The following MED13 variants were observed in gnomAD, a reference collection of about 807,000 sequenced individuals.
MED13 encodes the protein mediator complex subunit 13, also known as mediator of RNA polymerase II transcription subunit 13.
MED13 carries 23 observed loss-of-function variants against 225.2 expected under a neutral mutation model. The observed-to-expected ratio is 0.10, with a 90% confidence interval of 0.07 to 0.14. The LOEUF is 0.14. Ranked by LOEUF, MED13 falls within the 10% of genes least tolerant of loss-of-function variation. The probability of loss-of-function intolerance (pLI) is 1.00; values close to 1 mark genes in which losing one functional copy is unlikely to be tolerated. For synonymous variants in MED13, 942 were observed against 889.2 expected, an observed-to-expected ratio of 1.06 and a Z score of -1.06; for missense variants, 2,197 against 2,594.5, an observed-to-expected ratio of 0.85 and a Z score of 3.33.
Position 61,987,040 on chromosome 17 carries a change from A to C in MED13, c.2352T>G (p.Asp784Glu). 6.3e-7 allele frequency: 1 copy of C among 1,599,970 alleles called. No individual in the cohort carries two copies. Among genetic ancestry groups the C allele is most frequent in the Non-Finnish European group, 8.5e-7 (1 of 1,172,574 alleles). Reference sequence around the variant, plus strand: ...CATCTTCATCAGAATTGAAGAGATTATCAAGGTCAGTATAAGAGACAGCCA... The same window carrying C: ...CATCTTCATCAGAATTGAAGAGATTCTCAAGGTCAGTATAAGAGACAGCCA... ...SDLAVSYTDL[D>E]NLFNSDEDEL... Residue 784 changes from aspartate (D) to glutamate (E), a missense_variant, in exon 12 of 30, where the codon GAT (aspartate) becomes GAG (glutamate). By Grantham distance (45) the Asp-to-Glu change is conservative. Around this residue, in one of 12 missense-constraint regions of MED13, gnomAD observed 41 missense variants for 55.8 expected, o/e 0.73. Coordinates refer to ENST00000397786, the MANE Select transcript of MED13 (RefSeq NM_005121.3).
chr17:61,959,783 C>CAGTG (rs2079982397), intron 23 of MED13, among the ~76,000 whole-genome samples: 1 of 142,974 alleles, frequency 7.0e-6, no homozygotes, highest in Non-Finnish European at 1.5e-5. Flanking sequence ...CGTTAAAGTG[C>CAGTG]AGTGGTGCAA....
chr17:61,953,304 T>C (rs1311183775), intron 26 of MED13, among the ~76,000 whole-genome samples, 191 bp from the exon 27 acceptor site: 2 of 152,200 alleles, frequency 1.3e-5, no homozygotes, highest in African/African-American at 4.8e-5. Context: ...AAGCATGTGG[T>C]AGTCTGAATA....
intron 10 of MED13, among the ~76,000 whole-genome samples, chr17:61,993,200 CTTTTTTTTT>C (rs964200883): frequency 9.3e-6 from 1 of 107,690 alleles, no homozygotes; most frequent in Non-Finnish European, 1.7e-5. Context: ...TTCTTTCTTT[CTTTTTTTTT>C]TTTTTTTTTT....
Position 61,977,454 on chromosome 17 carries a change from CATT to C in MED13, c.3806-4569_3806-4567del, listed in dbSNP as rs572429356. 3.6e-4 allele frequency among the ~76,000 whole-genome samples: 54 copies of C among 152,092 alleles called. No individual in the cohort carries two copies. In the South Asian group the frequency reaches 0.01, roughly 29 times the overall value. On this transcript the variant is annotated intron_variant, in intron 16 of 29. Transcript: ENST00000397786. The stretch of plus-strand genomic sequence containing the variant: ...AATATTGCACATTTATGTTTTCCAA[CATT>C]ATTATTTTTCTTGAGACGGAGTCTC...
At chr17:62,036,363 T>C (rs1253179205) in intron 3 of MED13, among the ~76,000 whole-genome samples, 1 of 152,122 alleles carries the variant, frequency 6.6e-6, no homozygotes, top group Admixed American at 6.5e-5. Context: ...CTTAATGAAA[T>C]TCAGGTATGG....
intron 8 of MED13, among the ~76,000 whole-genome samples, chr17:62,017,219 T>TAAAAAAAAAAAAAAAAAA (rs555881211): frequency 1.2e-5 from 1 of 84,244 alleles, no homozygotes; most frequent in Non-Finnish European, 2.5e-5. Context: ...ACTAAAATGC[T>TAAAAAAAAAAAAAAAAAA]AAAAAAAAAA....
chr17:62,054,256 G>C (rs553701195), intron 2 of MED13, among the ~76,000 whole-genome samples: 5 of 151,770 alleles, frequency 3.3e-5, no homozygotes, highest in African/African-American at 7.3e-5. Flanking sequence ...AGCCAAGATC[G>C]TGCCACTGCA....
At chr17:62,015,936 ATATATATATATATATATATTTTT>A (rs1436607134) in intron 8 of MED13, among the ~76,000 whole-genome samples, 6 of 8,826 alleles carry the variant, frequency 6.8e-4, no homozygotes, top group Non-Finnish European at 1.1e-3. Flanking sequence ...ATATATATAT[ATATATATATATATATATATTTTT>A]TTTTTTTTTT....
chr17:61,996,901 G>A (rs980995033), intron 9 of MED13, among the ~76,000 whole-genome samples: 1 of 152,176 alleles, frequency 6.6e-6, no homozygotes, highest in Non-Finnish European at 1.5e-5. Flanking sequence ...CATAATAGGT[G>A]TCAATACTTG....
chr17:62,011,763 A>G (rs982316672), intron 8 of MED13, among the ~76,000 whole-genome samples: 3 of 152,334 alleles, frequency 2.0e-5, no homozygotes, highest in African/African-American at 4.8e-5. Flanking sequence ...TGGGCCTCAC[A>G]CCATACCTAC....
intron 17 of MED13, among the ~76,000 whole-genome samples, chr17:61,969,671 C>T (rs930726822): frequency 6.6e-6 from 1 of 151,972 alleles, no homozygotes; most frequent in African/African-American, 2.4e-5. Flanking sequence ...GTGCGATCTC[C>T]ACTCACTCCA....
At chr17:61,991,279 T>C (rs1367279370) in intron 11 of MED13, among the ~76,000 whole-genome samples, 2 of 146,908 alleles carry the variant, frequency 1.4e-5, no homozygotes, top group African/African-American at 2.5e-5. Context: ...GCACCACACA[T>C]GCTTTATTTT....
chr17:61,955,326 A>G (rs2079933143), intron 26 of MED13, 56 bp downstream of exon 26: 2 of 1,356,076 alleles, frequency 1.5e-6, no homozygotes, highest in Non-Finnish European at 9.9e-7. Context: ...GGTATTGGAC[A>G]TGAATTTATT....
chr17:61,958,885 C>T (rs1222792922), intron 23 of MED13, among the ~76,000 whole-genome samples: 2 of 152,188 alleles, frequency 1.3e-5, no homozygotes, highest in African/African-American at 4.8e-5. Context: ...ATAAAATTAT[C>T]CTCTAGACTT....
chr17:62,033,846 T>A lies in MED13; in HGVS notation c.755A>T (p.Glu252Val), dbSNP rs957932729. 1.2e-6 allele frequency: 2 copies of A among 1,614,022 alleles called. No individual in the cohort carries two copies. The highest frequency in any genetic ancestry group is 1.3e-5 in the African/African-American group (1 of 74,940). The stretch of plus-strand genomic sequence containing the variant: ...TTCCCAATCCATATCTTCCTGTTTT[T>A]CTTCAGACATCTCCTTCAAGCAACA... ...ISCCLKEMSE[E>V]KQEDMDWEDD... is the part of the protein sequence containing the mutation. The change falls in exon 5 of 30, where the codon GAA (glutamate) becomes GTA (valine). Residue 252 changes from glutamate to valine, a missense_variant. Around this residue, in one of 12 missense-constraint regions of MED13, gnomAD observed 884 missense variants for 918.5 expected, o/e 0.96. Transcript: ENST00000397786.
chr17:62,048,398 C>CAAAAAAAAAAAAAAAA (rs555420453), intron 3 of MED13, among the ~76,000 whole-genome samples: 1 of 68,090 alleles, frequency 1.5e-5, no homozygotes, highest in African/African-American at 5.4e-5. Flanking sequence ...GAGACTGTTT[C>CAAAAAAAAAAAAAAAA]AAAAAAAAAA....
chr17:62,012,812 G>A (rs75576851), intron 8 of MED13, among the ~76,000 whole-genome samples: 5 of 142,028 alleles, frequency 3.5e-5, no homozygotes, highest in African/African-American at 1.3e-4. Flanking sequence ...TTTTTTTTTT[G>A]AGACCGAGTC....
chr17:62,054,622 G>A (rs931884468), intron 2 of MED13, among the ~76,000 whole-genome samples: 1 of 152,062 alleles, frequency 6.6e-6, no homozygotes, highest in African/African-American at 2.4e-5. Flanking sequence ...GACAAAAAAA[G>A]AGAAAAGAAT....
At chr17:61,990,517 T>A (rs1014690923) in intron 11 of MED13, among the ~76,000 whole-genome samples, 1 of 151,434 alleles carries the variant, frequency 6.6e-6, no homozygotes, top group Non-Finnish European at 1.5e-5. Context: ...ACACAGAATA[T>A]GAGTAAAATG....
Sources: gnomAD v4.1 joint callset for allele counts (sites outside exome capture counted in the v4.1 genomes callset) on GRCh38, gnomAD v4.1.1 for gene constraint, gnomAD v4.1.1 regional missense constraint, MANE v1.5 for transcripts, NCBI Gene and HGNC (gene_info 2026-07-23, HGNC 2026-07-21) for gene names.